The following RPS6KB1 variants were observed in gnomAD, a reference collection of about 807,000 sequenced individuals.
RPS6KB1 encodes the protein ribosomal protein S6 kinase B1.
Under a neutral mutation model 70.2 loss-of-function variants are expected in RPS6KB1, and 12 were observed. The observed-to-expected ratio is 0.17, with a 90% CI of 0.11 to 0.28. RPS6KB1 has a LOEUF of 0.28. Ranked by LOEUF, RPS6KB1 falls within the 10% of genes least tolerant of loss-of-function variation. The pLI, the probability that RPS6KB1 is intolerant of heterozygous loss-of-function variation, is 1.00. For synonymous variants in RPS6KB1, 175 were observed against 211.2 expected, an observed-to-expected ratio of 0.83 and a Z score of 1.49; for missense variants, 270 against 646.6, an observed-to-expected ratio of 0.42 and a Z score of 6.32.
At chr17:59,922,624 AGCTTCT>A (rs1343635961) in intron 4 of RPS6KB1, among the ~76,000 whole-genome samples, 1 of 127,960 alleles carries the variant, frequency 7.8e-6, no homozygotes, top group Non-Finnish European at 1.5e-5. Context: ...AGCTCACTGC[AGCTTCT>A]GCCTCCCGGG....
intron 13 of RPS6KB1, among the ~76,000 whole-genome samples, chr17:59,941,198 C>A (rs1212752827): frequency 1.3e-5 from 2 of 151,380 alleles, no homozygotes; most frequent in Non-Finnish European, 2.9e-5. Flanking sequence ...TTTTTTTAGG[C>A]CACAGACTTA....
chr17:59,927,576 G>A (rs934551692), intron 5 of RPS6KB1, among the ~76,000 whole-genome samples: 2 of 149,496 alleles, frequency 1.3e-5, no homozygotes, highest in Admixed American at 6.7e-5. Flanking sequence ...GCGTGATATC[G>A]GCTCACTGCA....
intron 12 of RPS6KB1, among the ~76,000 whole-genome samples, chr17:59,938,245 T>C (rs1487642309): frequency 2.0e-5 from 3 of 147,912 alleles, no homozygotes; most frequent in African/African-American, 7.5e-5. Context: ...TGATAGTGGC[T>C]CATGGCAGCC....
intron 7 of RPS6KB1, among the ~76,000 whole-genome samples, chr17:59,933,892 A>G (rs1271020302): frequency 6.6e-6 from 1 of 152,146 alleles, no homozygotes; most frequent in Non-Finnish European, 1.5e-5. Flanking sequence ...TTTTGTATAT[A>G]CTTAAAGCTA....
intron 1 of RPS6KB1, among the ~76,000 whole-genome samples, chr17:59,904,336 C>T (rs1226152145): frequency 6.6e-6 from 1 of 151,948 alleles, no homozygotes; most frequent in African/African-American, 2.4e-5. Context: ...TCCTTGGCCT[C>T]CCAAAGTGTT....
At chr17:59,902,011 C>G (rs1361460262) in intron 1 of RPS6KB1, among the ~76,000 whole-genome samples, 1 of 92,986 alleles carries the variant, frequency 1.1e-5, no homozygotes, top group Non-Finnish European at 2.0e-5. Flanking sequence ...GAACCTGTCT[C>G]TAAAAAAAAA....
chr17:59,895,161 C>T (rs998937055), intron 1 of RPS6KB1, among the ~76,000 whole-genome samples: 11 of 151,348 alleles, frequency 7.3e-5, no homozygotes, highest in Non-Finnish European at 1.5e-4. Flanking sequence ...GCTGGGACTA[C>T]AGGCGCGTGC....
chr17:59,923,215 G>T (rs1418650177), intron 4 of RPS6KB1, among the ~76,000 whole-genome samples: 1 of 151,398 alleles, frequency 6.6e-6, no homozygotes, highest in East Asian at 1.9e-4. Context: ...CTTGAGTGCA[G>T]TGGCATGATC....
At chr17:59,944,081 G>A (rs1211793076) in intron 13 of RPS6KB1, among the ~76,000 whole-genome samples, 1 of 151,882 alleles carries the variant, frequency 6.6e-6, no homozygotes, top group Non-Finnish European at 1.5e-5. Flanking sequence ...TGTACCTCTT[G>A]GTAGTTACAG....
At chr17:59,907,331 G>C (rs1165960944) in intron 1 of RPS6KB1, 1 of 152,134 alleles carries the variant, frequency 6.6e-6, no homozygotes, top group Non-Finnish European at 1.5e-5. Flanking sequence ...TGAAATTTAG[G>C]ATCAGCTTGT....
intron 1 of RPS6KB1, among the ~76,000 whole-genome samples, chr17:59,902,578 C>CTTTTTTTTTTTT (rs559757964): frequency 1.5e-5 from 2 of 134,352 alleles, no homozygotes; most frequent in Non-Finnish European, 1.6e-5. Context: ...TTTTTTGTTT[C>CTTTTTTTTTTTT]TTTTTTTTTT....
chr17:59,935,446 G>A, intron 10 of RPS6KB1, 146 bp downstream of exon 10: 1 of 498,852 alleles, frequency 2.0e-6, no homozygotes, highest in Non-Finnish European at 3.6e-6. Context: ...GTACAGATTT[G>A]TTTAAAGACT....
intron 4 of RPS6KB1, among the ~76,000 whole-genome samples, chr17:59,924,973 C>T (rs1247959026): frequency 6.6e-6 from 1 of 151,958 alleles, no homozygotes. Flanking sequence ...GGACTACAGG[C>T]ACCTGCCACC....
chr17:59,916,581 A>G (rs1220213103), intron 4 of RPS6KB1, among the ~76,000 whole-genome samples: 6 of 152,174 alleles, frequency 3.9e-5, no homozygotes, highest in Admixed American at 6.5e-5. Flanking sequence ...AAGATAATCT[A>G]TCAGTTCCAT....
intron 6 of RPS6KB1, 82 bp from the exon 7 acceptor site, chr17:59,931,540 T>A: frequency 9.2e-7 from 1 of 1,087,500 alleles, no homozygotes; most frequent in Non-Finnish European, 1.4e-6. Context: ...GTCTGTTTCT[T>A]TCAAGGAATT....
At position 59,947,047 on chromosome 17, in the gene RPS6KB1, C is replaced by G. The variant is rs1378431335; in HGVS notation, c.*259C>G. 1.3e-5 allele frequency: 17 copies of G among 1,297,386 alleles called. No individual in the cohort carries two copies. In the East Asian group the frequency reaches 5.0e-4, roughly 38 times the overall value. The allele number at this position is 1,297,386 out of a possible 1,614,324, so 80.4% of individuals were successfully genotyped here. ...CCTCGCGACATCTTCTCAACCTTATCAAGGATTTTCATGTTGATGACTCGA... is the reference window on the plus strand; with the variant it reads ...CCTCGCGACATCTTCTCAACCTTATGAAGGATTTTCATGTTGATGACTCGA... On this transcript the variant is annotated 3_prime_UTR_variant, in exon 15 of 15. Transcript: ENST00000225577.
At chr17:59,894,526 A>T (rs1346583664) in intron 1 of RPS6KB1, among the ~76,000 whole-genome samples, 24 of 152,202 alleles carry the variant, frequency 1.6e-4, no homozygotes, top group Admixed American at 1.5e-3. Flanking sequence ...TGTTGACAAA[A>T]GATTGAGATG....
At chr17:59,902,200 G>T (rs1453044970) in intron 1 of RPS6KB1, among the ~76,000 whole-genome samples, 1 of 147,060 alleles carries the variant, frequency 6.8e-6, no homozygotes, top group South Asian at 2.1e-4. Flanking sequence ...TGCCTCCTGG[G>T]TTCAAGTAAT....
intron 1 of RPS6KB1, among the ~76,000 whole-genome samples, chr17:59,899,281 A>G (rs1469734842): frequency 6.6e-6 from 1 of 152,058 alleles, no homozygotes; most frequent in Non-Finnish European, 1.5e-5. Context: ...GTTATTTGAC[A>G]CTTCTTGTGT....
Sources: gnomAD v4.1 joint callset for allele counts (sites outside exome capture counted in the v4.1 genomes callset) on GRCh38, gnomAD v4.1.1 for gene constraint, MANE v1.5 for transcripts, NCBI Gene and HGNC (gene_info 2026-07-23, HGNC 2026-07-21) for gene names.